NXT2: variants seen among roughly 807,000 people sequenced by gnomAD.
NXT2 encodes the protein NTF2-related export protein 2.
A neutral mutation model predicts 9.6 loss-of-function variants in NXT2; 1 was observed. The observed-to-expected ratio is 0.10, with a 90% CI of 0.04 to 0.49. The LOEUF (loss-of-function observed/expected upper bound fraction) is 0.49, where lower values mean the gene tolerates loss of function less well. NXT2 is among the 20% of genes least tolerant of loss of function. The pLI is 0.95. For synonymous variants in NXT2, 22 were observed against 35.4 expected (o/e 0.62, Z 1.34); for missense variants, 48 against 100.3 (o/e 0.48, Z 2.23).
intron 2 of NXT2, 32 bp from the exon 3 acceptor site, chrX:109,541,439 ATTAT>A: frequency 8.9e-7 from 1 of 1,129,431 alleles, no homozygotes; most frequent in Non-Finnish European, 1.2e-6. Context: ...TAGAAACAGA[ATTAT>A]TTCCCTTTTT....
intron 2 of NXT2, among the ~76,000 whole-genome samples, chrX:109,541,010 T>C (rs1375537717): frequency 1.8e-5 from 2 of 111,989 alleles, no homozygotes; most frequent in Non-Finnish European, 3.8e-5. Flanking sequence ...TTCTAACACA[T>C]GCAAATATTA....
intron 3 of NXT2, 26 bp from the exon 4 acceptor site, chrX:109,542,481 C>G: frequency 8.8e-7 from 1 of 1,135,142 alleles, no homozygotes; most frequent in Non-Finnish European, 1.2e-6. Context: ...ATGATGTGTT[C>G]TCTTTTTTTT....
chrX:109,537,937 A>G lies in NXT2; in HGVS notation c.16-108A>G, dbSNP rs778935252. 303 of 512,424 alleles carry G rather than the reference A, an allele frequency of 5.9e-4. 2 individuals carry two copies. Among genetic ancestry groups the G allele is most frequent in the South Asian group, 5.8e-3 (190 of 32,860 alleles). The allele number at this position is 512,424 out of a possible 1,213,427, so 42.2% of individuals were successfully genotyped here. On this transcript the variant is annotated intron_variant, in intron 1 of 3. Transcript: ENST00000372106. The stretch of plus-strand genomic sequence containing the variant: ...TTATATGAAAGAATGTGGACTGTAT[A>G]TAGAGCTACATAGTGGTTGAAATAA...
chrX:109,537,289 G>A, intron 1 of NXT2: 1 of 950,262 alleles, frequency 1.1e-6, no homozygotes, highest in Non-Finnish European at 1.3e-6. Context: ...TTTATGGCTT[G>A]CAGTTTCTTT....
rs759117283 is a variant in NXT2 at position 109,537,198 on chromosome X, C to G, written c.15+177C>G. ...CCCGCCCTGCCGGCCCCACCCCCAGCCTGGTTAGCAGTCGCTTTCTGATCC... is the reference window on the plus strand; with the variant it reads ...CCCGCCCTGCCGGCCCCACCCCCAGGCTGGTTAGCAGTCGCTTTCTGATCC... On this transcript the variant is annotated intron_variant, in intron 1 of 3. Coordinates refer to ENST00000372106, the MANE Select transcript of NXT2 (RefSeq NM_001242617.2). 7.0e-5 allele frequency: 73 copies of G among 1,040,777 alleles called. 1 individual carries two copies. In the Admixed American group the frequency reaches 1.4e-3, roughly 20 times the overall value. The allele number at this position is 1,040,777 out of a possible 1,213,427, so 85.8% of individuals were successfully genotyped here.
intron 2 of NXT2, among the ~76,000 whole-genome samples, chrX:109,538,992 A>G (rs1397513184): frequency 2.7e-5 from 3 of 111,111 alleles, no homozygotes; most frequent in Non-Finnish European, 5.7e-5. Flanking sequence ...CATCTACATT[A>G]GGTATTTCTC....
chrX:109,540,214 C>T (rs1353810500), intron 2 of NXT2, among the ~76,000 whole-genome samples: 1 of 110,817 alleles, frequency 9.0e-6, no homozygotes, highest in Non-Finnish European at 1.9e-5. Flanking sequence ...TTTATTGTGC[C>T]TTGCCTTGAA....
chrX:109,540,361 T>C (rs1418904617), intron 2 of NXT2, among the ~76,000 whole-genome samples: 1 of 110,580 alleles, frequency 9.0e-6, no homozygotes, highest in Non-Finnish European at 1.9e-5. Flanking sequence ...GGTGTCTCAC[T>C]CTGTCACCCA....
chrX:109,537,129 C>A, intron 1 of NXT2, 108 bp downstream of exon 1: 2 of 1,104,421 alleles, frequency 1.8e-6, no homozygotes, highest in Non-Finnish European at 2.4e-6. Flanking sequence ...TGACGAATCA[C>A]GTCCCGGCTC....
chrX:109,536,086 C>A, upstream of NXT2: 1 of 518,448 alleles, frequency 1.9e-6, no homozygotes, highest in Non-Finnish European at 3.2e-6. Context: ...ATTGCCATGA[C>A]AGTTATATTG....
At position 109,537,040 on chromosome X, in the gene NXT2, G is replaced by T. The variant is rs772200308; in HGVS notation, c.15+19G>T. On this transcript the variant is annotated intron_variant, in intron 1 of 3. Transcript: ENST00000372106. ...GTCTCTGGTGAGTGCCTGGGCCGTG[G>T]CAGGACGGCTGGGCGCCGGACTCCA... is the stretch of plus-strand genomic sequence containing the variant. The T allele has an allele frequency of 1.2e-5, 15 of 1,201,229 alleles. No individual in the cohort carries two copies. In the South Asian group the frequency reaches 2.7e-4, roughly 22 times the overall value.
chrX:109,542,421 C>A, intron 3 of NXT2, 86 bp from the exon 4 acceptor site: 1 of 839,660 alleles, frequency 1.2e-6, no homozygotes, highest in Non-Finnish European at 1.6e-6. Flanking sequence ...AGCATTAGTC[C>A]ATAAACAATG....
chrX:109,542,739 T>A lies in NXT2; in HGVS notation c.*51T>A, dbSNP rs757352956. 1 of 902,950 alleles carries A rather than the reference T, an allele frequency of 1.1e-6. No homozygotes were observed. Among genetic ancestry groups the A allele is most frequent in the South Asian group, 3.1e-5 (1 of 32,184 alleles). 74.4% of individuals were successfully genotyped at this position (902,950 alleles called of 1,213,427 possible). On this transcript the variant is annotated 3_prime_UTR_variant, in exon 4 of 4. Coordinates refer to ENST00000372106, the MANE Select transcript of NXT2 (RefSeq NM_001242617.2). ...GTCCATTAGTTCCAGCAATTGAAAT[T>A]TATGTGAATTATTTTGATTGTAGAA... is the stretch of plus-strand genomic sequence containing the variant.
chrX:109,541,147 T>C (rs1933410130), intron 2 of NXT2, among the ~76,000 whole-genome samples: 1 of 112,110 alleles, frequency 8.9e-6, no homozygotes, highest in Admixed American at 9.5e-5. Flanking sequence ...TGCATTTGCT[T>C]GGAATTTGTG....
At chrX:109,536,557 C>A (rs192614228), upstream of NXT2, 103 of 146,872 alleles carry the variant, frequency 7.0e-4, no homozygotes, top group African/African-American at 2.6e-3. Context: ...CTATAGGCTA[C>A]GGAATAGTAG....
At position 109,542,709 on chromosome X, in the gene NXT2, A is replaced by G; in HGVS notation, c.*21A>G. ...GTTAAAGGGGCAAAAGTCCATTCTC[A>G]TTTGGTCCATTAGTTCCAGCAATTG... On this transcript the variant is annotated 3_prime_UTR_variant, in exon 4 of 4. Transcript: ENST00000372106. 9.4e-7 allele frequency: 1 copy of G among 1,065,089 alleles called. No homozygotes were observed. Among genetic ancestry groups the G allele is most frequent in the Non-Finnish European group, 1.3e-6 (1 of 794,365 alleles). 87.8% of individuals were successfully genotyped at this position (1,065,089 alleles called of 1,213,427 possible). A position where few individuals can be genotyped will look rare whatever the true frequency, so the allele number is the denominator to read the frequency against.
At chrX:109,542,479 TTC>T in intron 3 of NXT2, 26 bp from the exon 4 acceptor site, 1 of 1,137,337 alleles carries the variant, frequency 8.8e-7, no homozygotes, top group Non-Finnish European at 1.2e-6. Context: ...AAATGATGTG[TTC>T]TCTTTTTTTT....
In NXT2 at chrX:109,543,243, T is replaced by G. The variant is rs1933457542; in HGVS notation, c.*555T>G. 8.9e-6 allele frequency: 1 copy of G among 112,293 alleles called. No individual in the cohort carries two copies. The highest frequency in any genetic ancestry group is 1.9e-5 in the Non-Finnish European group (1 of 53,174). The allele number at this position is 112,293 out of a possible 1,213,427, so 9.3% of individuals were successfully genotyped here. A position where few individuals can be genotyped will look rare whatever the true frequency, so the allele number is the denominator to read the frequency against. ...GTGGTCGTTTTTCATTTTAAGTAAT[T>G]TTTGTTTTGGCATTTTTTTGTGTGA... On this transcript the variant is annotated 3_prime_UTR_variant, in exon 4 of 4. Coordinates refer to ENST00000372106, the MANE Select transcript of NXT2 (RefSeq NM_001242617.2).
intron 1 of NXT2, chrX:109,537,461 G>A: frequency 1.6e-6 from 1 of 627,805 alleles, no homozygotes; most frequent in Non-Finnish European, 1.9e-6. Context: ...TGCTTTCTTC[G>A]GTGTCACAGT....
Sources: gnomAD v4.1 joint callset for allele counts (sites outside exome capture counted in the v4.1 genomes callset) on GRCh38, gnomAD v4.1.1 for gene constraint, MANE v1.5 for transcripts, NCBI Gene and HGNC (gene_info 2026-07-23, HGNC 2026-07-21) for gene names.